Variants in KLHL1 observed in about 807,000 individuals in gnomAD.
The protein encoded by KLHL1 is kelch-like protein 1.
In KLHL1, 47 loss-of-function variants were observed where a neutral mutation model predicts 77.7. The ratio of observed to expected loss-of-function variants is 0.60; its 90% CI spans 0.48 to 0.77. The LOEUF (loss-of-function observed/expected upper bound fraction) is 0.77. Among genes scored for constraint, KLHL1 ranks in the 30% least tolerant of loss-of-function variants. KLHL1 has a pLI of 0.00. For synonymous variants in KLHL1, 360 were observed against 325.2 expected, an observed-to-expected ratio of 1.11 and a Z score of -1.15; for missense variants, 925 against 910.8, an observed-to-expected ratio of 1.02 and a Z score of -0.20.
At chr13:69,866,221 G>A (rs559792516) in intron 5 of KLHL1, among the ~76,000 whole-genome samples, 1 of 152,192 alleles carries the variant, frequency 6.6e-6, no homozygotes, top group East Asian at 1.9e-4. Context: ...ACAGCTGAGT[G>A]AATTGAGAAT....
At chr13:69,714,042 C>A (rs1488167369) in intron 9 of KLHL1, among the ~76,000 whole-genome samples, 2 of 152,022 alleles carry the variant, frequency 1.3e-5, no homozygotes, top group African/African-American at 4.8e-5. Context: ...TTTTGATATA[C>A]TTATTGATAT....
intron 1 of KLHL1, among the ~76,000 whole-genome samples, chr13:69,993,507 G>A (rs1885076419): frequency 6.6e-6 from 1 of 152,036 alleles, no homozygotes; most frequent in South Asian, 2.1e-4. Flanking sequence ...GAATGAAAAA[G>A]AGGTCGGTGT....
chr13:70,060,335 C>T (rs1412637593), intron 1 of KLHL1, among the ~76,000 whole-genome samples: 3 of 152,078 alleles, frequency 2.0e-5, no homozygotes, highest in Non-Finnish European at 4.4e-5. Context: ...ATTAGTACAA[C>T]CACTATAGAG....
chr13:70,081,753 T>G (rs962799146), intron 1 of KLHL1, among the ~76,000 whole-genome samples: 3 of 152,216 alleles, frequency 2.0e-5, no homozygotes, highest in African/African-American at 7.2e-5. Context: ...CTAGTGAAAC[T>G]TCGAAGCAGA....
At chr13:70,027,587 C>G (rs944639848) in intron 1 of KLHL1, among the ~76,000 whole-genome samples, 3 of 151,116 alleles carry the variant, frequency 2.0e-5, no homozygotes, top group Admixed American at 6.6e-5. Context: ...TGACAATTAC[C>G]ACCCTCTCAA....
At chr13:69,704,972 C>CA (rs67045017) in intron 10 of KLHL1, among the ~76,000 whole-genome samples, 149,586 of 151,718 alleles carry the variant, frequency 0.99, 73,774 homozygotes, top group East Asian at 1. Context: ...CACTTAGTTG[C>CA]ACAATAGTTC....
chr13:69,967,613 C>T (rs550219192), intron 2 of KLHL1, among the ~76,000 whole-genome samples: 1 of 152,250 alleles, frequency 6.6e-6, no homozygotes, highest in African/African-American at 2.4e-5. Flanking sequence ...CCTGGTGGGG[C>T]GTTGTGGCTC....
Position 69,916,453 on chromosome 13 carries a change from A to T in KLHL1, c.1014+23587T>A, listed in dbSNP as rs555081403. ...ATGTCCTTTGTAGGGACATGGATGA[A>T]GCTGGAAACCATCATTCTCAGCAAA... On this transcript the variant is annotated intron_variant, in intron 4 of 10. Transcript: ENST00000377844. Among the ~76,000 whole-genome samples, 4 of 152,240 alleles carry T rather than the reference A, an allele frequency of 2.6e-5. No homozygotes were observed. In the East Asian group the frequency reaches 7.8e-4, roughly 30 times the overall value.
At chr13:69,991,687 A>T (rs1457181470) in intron 1 of KLHL1, among the ~76,000 whole-genome samples, 1 of 150,704 alleles carries the variant, frequency 6.6e-6, no homozygotes, top group Non-Finnish European at 1.5e-5. Context: ...AAAAAAAAAA[A>T]GCCTGGGACC....
intron 1 of KLHL1, among the ~76,000 whole-genome samples, chr13:70,042,364 G>A (rs1886397336): frequency 6.6e-6 from 1 of 151,984 alleles, no homozygotes; most frequent in Non-Finnish European, 1.5e-5. Flanking sequence ...ATAATAGGTA[G>A]GAGCATGTGT....
intron 1 of KLHL1, among the ~76,000 whole-genome samples, chr13:69,987,813 C>T (rs1409443205): frequency 6.6e-6 from 1 of 151,818 alleles, no homozygotes; most frequent in Non-Finnish European, 1.5e-5. Context: ...GATATTTATA[C>T]ATATATAGGT....
In KLHL1 at chr13:69,787,327, A is replaced by G. The variant is rs527680709; in HGVS notation, c.1639+9411T>C. Among the ~76,000 whole-genome samples, 237 of 152,292 alleles carry G rather than the reference A, an allele frequency of 1.6e-3. 1 individual carries two copies. Among genetic ancestry groups the G allele is most frequent in the African/African-American group, 5.4e-3 (224 of 41,574 alleles). ...CAAAACAGAAATATAGATCCATGGAACAGAACAGAGCCCTCAGAAATAATG... is the reference window on the plus strand; with the variant it reads ...CAAAACAGAAATATAGATCCATGGAGCAGAACAGAGCCCTCAGAAATAATG... On this transcript the variant is annotated intron_variant, in intron 7 of 10. Coordinates refer to ENST00000377844, the MANE Select transcript of KLHL1 (RefSeq NM_020866.3).
intron 4 of KLHL1, among the ~76,000 whole-genome samples, chr13:69,927,550 T>A (rs1420514008): frequency 6.6e-6 from 1 of 152,156 alleles, no homozygotes; most frequent in Non-Finnish European, 1.5e-5. Flanking sequence ...TAAATAACTT[T>A]TACAACTAAG....
intron 1 of KLHL1, among the ~76,000 whole-genome samples, chr13:69,983,558 T>G (rs754399689): frequency 4.4e-4 from 48 of 108,862 alleles, no homozygotes; most frequent in Non-Finnish European, 6.6e-4. Flanking sequence ...CTGGCAACAA[T>G]GTGAGACCCT....
intron 6 of KLHL1, among the ~76,000 whole-genome samples, chr13:69,816,617 T>C (rs1385486828): frequency 6.6e-6 from 1 of 152,176 alleles, no homozygotes; most frequent in Non-Finnish European, 1.5e-5. Flanking sequence ...TAAATATTTC[T>C]TAGCGCTATA....
At chr13:69,925,645 T>C (rs1361603905) in intron 4 of KLHL1, among the ~76,000 whole-genome samples, 1 of 148,862 alleles carries the variant, frequency 6.7e-6, no homozygotes, top group Non-Finnish European at 1.5e-5. Flanking sequence ...AGACTGATAG[T>C]TGTAAATGAT....
At chr13:69,780,688 ATATATATATATATGTATATATATATATG>A (rs200231598) in intron 7 of KLHL1, among the ~76,000 whole-genome samples, 32,536 of 58,262 alleles carry the variant, frequency 0.56, 6,009 homozygotes, top group South Asian at 0.63. Context: ...CTTTCTTCAT[ATATATATATATATGTATATATATATATG>A]TATATATATA....
chr13:69,881,928 A>T (rs959827472), intron 5 of KLHL1, among the ~76,000 whole-genome samples: 1 of 152,216 alleles, frequency 6.6e-6, no homozygotes, highest in Non-Finnish European at 1.5e-5. Context: ...AATAATTGAC[A>T]GGAGACACTG....
chr13:69,715,278 G>A (rs891082996), intron 9 of KLHL1, among the ~76,000 whole-genome samples: 1 of 152,120 alleles, frequency 6.6e-6, no homozygotes, highest in East Asian at 1.9e-4. Flanking sequence ...TTGGTGGGGG[G>A]TGATTGGATA....
Sources: allele counts gnomAD v4.1 joint callset (sites outside exome capture counted in the v4.1 genomes callset), GRCh38; gene constraint gnomAD v4.1.1; transcripts MANE v1.5; gene names NCBI Gene and HGNC (gene_info 2026-07-23, HGNC 2026-07-21).